HS3ST3A1: variants seen among roughly 807,000 people sequenced by gnomAD.
HS3ST3A1 encodes heparan sulfate-glucosamine 3-sulfotransferase 3A1, also known as heparan sulfate glucosamine 3-O-sulfotransferase 3A1.
Under a neutral mutation model 25.7 loss-of-function variants are expected in HS3ST3A1, and 19 were observed. The ratio of observed to expected loss-of-function variants is 0.74; its 90% confidence interval spans 0.52 to 1.08. HS3ST3A1 has a LOEUF of 1.08. Ranked by LOEUF, HS3ST3A1 falls within the 50% of genes least tolerant of loss-of-function variation. The pLI is 0.00. For missense variants in HS3ST3A1, 459 were observed against 594.3 expected (o/e 0.77, Z 2.37); for synonymous variants, 226 against 278.6 (o/e 0.81, Z 1.88).
At chr17:13,585,320 C>A (rs1215830463) in intron 1 of HS3ST3A1, among the ~76,000 whole-genome samples, 2 of 149,014 alleles carry the variant, frequency 1.3e-5, no homozygotes, top group Admixed American at 6.7e-5. Flanking sequence ...CTGCTTCAGC[C>A]TCCAGAGTAG....
At chr17:13,570,384 A>C (rs368499439) in intron 1 of HS3ST3A1, among the ~76,000 whole-genome samples, 11 of 152,356 alleles carry the variant, frequency 7.2e-5, no homozygotes, top group African/African-American at 2.6e-4. Context: ...ACGCTTTTTC[A>C]TGATAAAGGT....
chr17:13,499,862 G>A (rs1157493912), intron 1 of HS3ST3A1, among the ~76,000 whole-genome samples: 1 of 152,144 alleles, frequency 6.6e-6, no homozygotes, highest in African/African-American at 2.4e-5. Flanking sequence ...GATTTAGCAT[G>A]GGATGGGTGT....
chr17:13,581,039 G>A (rs1294213221), intron 1 of HS3ST3A1, among the ~76,000 whole-genome samples: 1 of 152,106 alleles, frequency 6.6e-6, no homozygotes, highest in African/African-American at 2.4e-5. Flanking sequence ...TCTTGTGAAT[G>A]AAAATGCACA....
chr17:13,591,180 G>A (rs1381773221), intron 1 of HS3ST3A1, among the ~76,000 whole-genome samples: 7 of 151,406 alleles, frequency 4.6e-5, no homozygotes, highest in African/African-American at 1.5e-4. Flanking sequence ...CGGAGTACCT[G>A]GGATTACAGG....
intron 1 of HS3ST3A1, among the ~76,000 whole-genome samples, chr17:13,552,913 TAG>T (rs1287887579): frequency 6.6e-6 from 1 of 152,190 alleles, no homozygotes; most frequent in Non-Finnish European, 1.5e-5. Flanking sequence ...CCCTCTCTGG[TAG>T]ACTTACAGTC....
chr17:13,548,608 T>C (rs1907152019), intron 1 of HS3ST3A1, among the ~76,000 whole-genome samples: 1 of 152,168 alleles, frequency 6.6e-6, no homozygotes, highest in Non-Finnish European at 1.5e-5. Flanking sequence ...CTCCACATGT[T>C]GAGAGGTGAA....
chr17:13,514,371 T>C (rs911853793), intron 1 of HS3ST3A1, among the ~76,000 whole-genome samples: 1 of 152,202 alleles, frequency 6.6e-6, no homozygotes, highest in Non-Finnish European at 1.5e-5. Context: ...TATCCATCTT[T>C]GACTTGTATT....
At chr17:13,559,857 T>C (rs191979455) in intron 1 of HS3ST3A1, among the ~76,000 whole-genome samples, 274 of 152,204 alleles carry the variant, frequency 1.8e-3, no homozygotes, top group Non-Finnish European at 3.0e-3. Flanking sequence ...GCTTAGGTTG[T>C]ACAATTAATA....
chr17:13,545,602 T>C (rs756707455), intron 1 of HS3ST3A1, among the ~76,000 whole-genome samples: 31 of 152,188 alleles, frequency 2.0e-4, no homozygotes, highest in Non-Finnish European at 3.2e-4. Context: ...ACACCAGTGT[T>C]TGCTGATCCT....
In HS3ST3A1 at chr17:13,496,971, G is replaced by A. The variant is rs572199362; in HGVS notation, c.600-153C>T. 2.0e-5 allele frequency among the ~76,000 whole-genome samples: 3 copies of A among 152,178 alleles called. No homozygotes were observed. In the South Asian group the frequency reaches 6.2e-4, roughly 32 times the overall value. On this transcript the variant is annotated intron_variant, in intron 1 of 1. Coordinates refer to ENST00000284110, the MANE Select transcript of HS3ST3A1 (RefSeq NM_006042.3). The stretch of plus-strand genomic sequence containing the variant: ...ATGGTGACGTCGCACAACGAGCCCC[G>A]CACCTCAGATTCCTCGTGTATTAAA...
chr17:13,585,498 C>T (rs1278112926), intron 1 of HS3ST3A1, among the ~76,000 whole-genome samples: 4 of 139,862 alleles, frequency 2.9e-5, no homozygotes, highest in Non-Finnish European at 6.3e-5. Flanking sequence ...GTGCACCTGG[C>T]CCTATTCTCC....
chr17:13,599,630 G>A (rs188906498), intron 1 of HS3ST3A1, among the ~76,000 whole-genome samples: 5 of 152,226 alleles, frequency 3.3e-5, no homozygotes, highest in East Asian at 1.9e-4. Flanking sequence ...AAATCCAGGC[G>A]ACACTAGCTT....
chr17:13,512,350 C>T (rs1382819654), intron 1 of HS3ST3A1, among the ~76,000 whole-genome samples: 1 of 146,234 alleles, frequency 6.8e-6, no homozygotes, highest in Admixed American at 6.8e-5. Context: ...ATTTATATGA[C>T]ACATTCAGAA....
intron 1 of HS3ST3A1, among the ~76,000 whole-genome samples, chr17:13,539,258 A>C (rs978955084): frequency 6.6e-6 from 1 of 152,152 alleles, no homozygotes; most frequent in African/African-American, 2.4e-5. Context: ...TAGCTGATGC[A>C]AATCCCAAGG....
At chr17:13,560,318 A>AAAAAAAAAAAAC (rs1598426570) in intron 1 of HS3ST3A1, among the ~76,000 whole-genome samples, 1 of 144,780 alleles carries the variant, frequency 6.9e-6, no homozygotes, top group East Asian at 2.0e-4. Flanking sequence ...AAAAAAAAAA[A>AAAAAAAAAAAAC]AGTGTATTAC....
chr17:13,543,155 A>G (rs1906983609), intron 1 of HS3ST3A1, among the ~76,000 whole-genome samples: 1 of 152,198 alleles, frequency 6.6e-6, no homozygotes, highest in South Asian at 2.1e-4. Context: ...GAGCCACTCT[A>G]GCAAATTAAA....
intron 1 of HS3ST3A1, among the ~76,000 whole-genome samples, chr17:13,498,911 C>T (rs969571797): frequency 2.2e-4 from 34 of 151,720 alleles, no homozygotes; most frequent in African/African-American, 8.2e-4. Context: ...GGGAAGTTTT[C>T]CCTTAGCCCA....
At position 13,573,355 on chromosome 17, in the gene HS3ST3A1, T is replaced by C. The variant is rs148713590; in HGVS notation, c.599+27176A>G. On this transcript the variant is annotated intron_variant, in intron 1 of 1. Coordinates refer to ENST00000284110, the MANE Select transcript of HS3ST3A1 (RefSeq NM_006042.3). ...GCAGAGCATTCCAAGCCTCCATTTG[T>C]AGTGTTATGCCTGTCTCATGGAAGG... 1.8e-4 allele frequency among the ~76,000 whole-genome samples: 28 copies of C among 152,268 alleles called. No individual in the cohort carries two copies. In the East Asian group the frequency reaches 3.7e-3, roughly 20 times the overall value.
At chr17:13,535,431 G>C (rs1294605840) in intron 1 of HS3ST3A1, among the ~76,000 whole-genome samples, 2 of 152,184 alleles carry the variant, frequency 1.3e-5, no homozygotes, top group African/African-American at 4.8e-5. Context: ...AAGAAAGCCA[G>C]GTTACAGTAT....
Sources: allele counts gnomAD v4.1 joint callset (sites outside exome capture counted in the v4.1 genomes callset), GRCh38; gene constraint gnomAD v4.1.1; transcripts MANE v1.5; gene names NCBI Gene and HGNC (gene_info 2026-07-23, HGNC 2026-07-21).